Variants in URB1 observed in about 807,000 individuals in gnomAD.
The protein encoded by URB1 is nucleolar pre-ribosomal-associated protein 1.
A neutral mutation model predicts 242.3 loss-of-function variants in URB1; 197 were observed. That is an observed-to-expected ratio of 0.81 (90% CI 0.72 to 0.91). The LOEUF (loss-of-function observed/expected upper bound fraction) is 0.91. Among genes scored for constraint, URB1 ranks in the 40% least tolerant of loss-of-function variants. The probability of loss-of-function intolerance (pLI) is 0.00; values close to 1 mark genes in which losing one functional copy is unlikely to be tolerated. For synonymous variants in URB1, 1,153 were observed against 1,201.8 expected, an observed-to-expected ratio of 0.96 and a Z score of 0.84; for missense variants, 2,721 against 2,860.5, an observed-to-expected ratio of 0.95 and a Z score of 1.11.
chr21:32,384,249 G>A (rs955029928), intron 3 of URB1, 64 bp downstream of exon 3: 13 of 1,509,236 alleles, frequency 8.6e-6, no homozygotes, highest in Admixed American at 2.1e-5. Context: ...ATGCACCTGC[G>A]GAGAGCTGAA....
intron 35 of URB1, among the ~76,000 whole-genome samples, chr21:32,319,678 T>C (rs914385419): frequency 6.6e-6 from 1 of 152,188 alleles, no homozygotes; most frequent in Non-Finnish European, 1.5e-5. Context: ...AACAACTCAA[T>C]TTCTAAAACA....
chr21:32,374,609 GTA>G (rs1465454085), intron 6 of URB1, among the ~76,000 whole-genome samples: 1 of 152,184 alleles, frequency 6.6e-6, no homozygotes, highest in Non-Finnish European at 1.5e-5. Context: ...AAAAAAATCT[GTA>G]TGTCATTATT....
At chr21:32,359,652 T>G in intron 14 of URB1, 144 bp downstream of exon 14, 1 of 673,554 alleles carries the variant, frequency 1.5e-6, no homozygotes, top group South Asian at 2.5e-5. Flanking sequence ...GGACCTCTGC[T>G]GTGGGTCTCT....
intron 13 of URB1, among the ~76,000 whole-genome samples, chr21:32,360,801 G>T (rs2033274193): frequency 6.6e-6 from 1 of 152,184 alleles, no homozygotes; most frequent in Admixed American, 6.5e-5. Context: ...TTCTTCCATT[G>T]TTCTCACTGC....
chr21:32,390,258 T>C (rs1467662242), intron 1 of URB1, among the ~76,000 whole-genome samples: 1 of 152,212 alleles, frequency 6.6e-6, no homozygotes, highest in African/African-American at 2.4e-5. Context: ...TGCAAGACCA[T>C]GAAATATAGA....
chr21:32,333,265 C>T, intron 30 of URB1, 52 bp downstream of exon 30: 12 of 1,427,846 alleles, frequency 8.4e-6, no homozygotes, highest in Non-Finnish European at 1.1e-5. Flanking sequence ...TCAACCTGAC[C>T]TCTGAGAAGT....
chr21:32,347,724 G>A lies in URB1; in HGVS notation c.3100C>T (p.His1034Tyr), dbSNP rs2033108876. ...TTCACGAGGACAGGGCTGAGCGTGT[G>A]CGGCGGGAGGGCCTGCTGCTCCAGG... ...LALEQQALPP[H>Y]TLSPVLVKLL... Residue 1034 changes from histidine (H) to tyrosine (Y), a missense_variant, in exon 22 of 39, where the codon CAC becomes TAC. Transcript: ENST00000382751. The A allele has an allele frequency of 6.4e-7, 1 of 1,550,438 alleles. No individual in the cohort carries two copies. The highest frequency in any genetic ancestry group is 8.7e-7 in the Non-Finnish European group (1 of 1,147,002).
In URB1 at chr21:32,344,580, T is replaced by C; in HGVS notation, c.4247A>G (p.Asn1416Ser). ...AGAAAAGACACTTACCAACAACGCATTTAATCTAAGCAGCATTTCCTTCTC... is the reference window on the plus strand; with the variant it reads ...AGAAAAGACACTTACCAACAACGCACTTAATCTAAGCAGCATTTCCTTCTC... ...NQEKEMLLRL[N>S]ALLHALNEVD... The change falls in exon 24 of 39, where the codon AAT becomes AGT. Residue 1416 changes from asparagine (N) to serine (S), a missense_variant. Coordinates refer to ENST00000382751, the MANE Select transcript of URB1 (RefSeq NM_014825.3). 1 of 1,552,254 alleles carries C rather than the reference T, an allele frequency of 6.4e-7. No individual in the cohort carries two copies. The highest frequency in any genetic ancestry group is 8.7e-7 in the Non-Finnish European group (1 of 1,147,124).
chr21:32,373,968 T>C lies in URB1; in HGVS notation c.751-196A>G, dbSNP rs1459502959. 3.9e-5 allele frequency among the ~76,000 whole-genome samples: 6 copies of C among 152,238 alleles called. No homozygotes were observed. The East Asian group carries it at 1.2e-3, about 29-fold the overall frequency. On this transcript the variant is annotated intron_variant, in intron 6 of 38. Coordinates refer to ENST00000382751, the MANE Select transcript of URB1 (RefSeq NM_014825.3). Reference sequence around the variant, plus strand: ...TATTCCCAACCATCCTAGGATATCGTTACTATTTTGATATATTTCCTTTCA... The same window carrying C: ...TATTCCCAACCATCCTAGGATATCGCTACTATTTTGATATATTTCCTTTCA...
chr21:32,384,315 G>A lies in URB1; in HGVS notation c.432C>T (p.Tyr144=). ...LICESLYASG[Y]RLARACLSLM... is the part of the protein sequence containing the mutation. ...TCACACCAAGGCAGACTGCCTACCTGTAACCTGAGGCATACAGGGACTCAC... is the reference window on the plus strand; with the variant it reads ...TCACACCAAGGCAGACTGCCTACCTATAACCTGAGGCATACAGGGACTCAC... The change falls in exon 3 of 39, where the codon TAC becomes TAT. Residue 144 remains tyrosine, a splice_region_variant and synonymous_variant. Coordinates refer to ENST00000382751, the MANE Select transcript of URB1 (RefSeq NM_014825.3). The A allele has an allele frequency of 1.3e-6, 2 of 1,551,062 alleles. No homozygotes were observed. Among genetic ancestry groups the A allele is most frequent in the Non-Finnish European group, 1.7e-6 (2 of 1,146,026 alleles).
intron 30 of URB1, among the ~76,000 whole-genome samples, chr21:32,326,906 A>C (rs2032836361): frequency 6.6e-6 from 1 of 152,210 alleles, no homozygotes; most frequent in Non-Finnish European, 1.5e-5. Flanking sequence ...CACTAGACCA[A>C]AAAGGATTAG....
chr21:32,326,151 C>T (rs987152271), intron 30 of URB1, among the ~76,000 whole-genome samples: 1 of 152,154 alleles, frequency 6.6e-6, no homozygotes, highest in Non-Finnish European at 1.5e-5. Flanking sequence ...GGACACCTTC[C>T]CACTCCTTAA....
chr21:32,350,106 A>G (rs2033140176), intron 20 of URB1, among the ~76,000 whole-genome samples: 2 of 144,942 alleles, frequency 1.4e-5, no homozygotes, highest in Admixed American at 6.9e-5. Flanking sequence ...CTGGGCAACA[A>G]GAGCGAAACT....
At chr21:32,366,552 C>G in intron 10 of URB1, 66 bp downstream of exon 10, 2 of 1,538,782 alleles carry the variant, frequency 1.3e-6, no homozygotes, top group Non-Finnish European at 1.8e-6. Context: ...TCAGAATAAT[C>G]ACATCATGTA....
chr21:32,370,787 C>T (rs1324514565), intron 8 of URB1, among the ~76,000 whole-genome samples: 1 of 152,218 alleles, frequency 6.6e-6, no homozygotes, highest in Non-Finnish European at 1.5e-5. Context: ...TTTGCTGGCA[C>T]AACTGAGTGG....
chr21:32,354,978 G>T lies in URB1; in HGVS notation c.2126C>A (p.Ala709Glu). 6.5e-7 allele frequency: 1 copy of T among 1,550,194 alleles called. No homozygotes were observed. Among genetic ancestry groups the T allele is most frequent in the South Asian group, 1.2e-5 (1 of 83,954 alleles). The change falls in exon 17 of 39, where the codon GCG becomes GAG. Residue 709 changes from alanine to glutamate, a missense_variant. Ala to Glu is a moderately radical substitution (Grantham distance 107). Transcript: ENST00000382751. ...FLERILLTLV[A>E]NPYSYTDKAS... ...TTTGTCTGTGTATGAATAGGGATTC[G>T]CCACCAATGTCAATAAAATCTGGGC...
chr21:32,316,192 C>T (rs1384698188), intron 38 of URB1, among the ~76,000 whole-genome samples: 1 of 152,168 alleles, frequency 6.6e-6, no homozygotes, highest in Non-Finnish European at 1.5e-5. Context: ...TGGAGGGATG[C>T]CAAGGTTCTG....
intron 37 of URB1, 93 bp from the exon 38 acceptor site, chr21:32,317,158 G>A (rs1303370830): frequency 4.9e-6 from 7 of 1,435,926 alleles, no homozygotes; most frequent in African/African-American, 1.4e-5. Flanking sequence ...GGACACGAGG[G>A]GCGGCTTGCA....
intron 14 of URB1, among the ~76,000 whole-genome samples, chr21:32,358,952 C>T (rs2033254929): frequency 1.3e-5 from 2 of 152,130 alleles, no homozygotes; most frequent in South Asian, 2.1e-4. Flanking sequence ...ATGAAGCACC[C>T]GTAACCTGCC....
Sources: allele counts gnomAD v4.1 joint callset (sites outside exome capture counted in the v4.1 genomes callset), GRCh38; gene constraint gnomAD v4.1.1; transcripts MANE v1.5; gene names NCBI Gene and HGNC (gene_info 2026-07-23, HGNC 2026-07-21).